The following RNF41 variants were observed in gnomAD, a reference collection of about 807,000 sequenced individuals.
RNF41 encodes E3 ubiquitin-protein ligase NRDP1.
RNF41 carries 4 observed loss-of-function variants against 33.0 expected under a neutral mutation model. The ratio of observed to expected loss-of-function variants is 0.12; its 90% CI spans 0.06 to 0.28. The LOEUF (loss-of-function observed/expected upper bound fraction) is 0.28. Ranked by LOEUF, RNF41 falls within the 10% of genes least tolerant of loss-of-function variation. RNF41 has a pLI of 1.00. For synonymous variants in RNF41, 164 were observed against 153.2 expected, an observed-to-expected ratio of 1.07 and a Z score of -0.52; for missense variants, 228 against 432.6, an observed-to-expected ratio of 0.53 and a Z score of 4.19.
At chr12:56,208,353 G>T (rs1868316642) in intron 4 of RNF41, 55 bp from the exon 5 acceptor site, 4 of 1,594,152 alleles carry the variant, frequency 2.5e-6, no homozygotes, top group Non-Finnish European at 3.4e-6. Context: ...GGACATGTAT[G>T]CAAATGGCCT....
chr12:56,209,989 G>A, intron 4 of RNF41: 1 of 362,254 alleles, frequency 2.8e-6, no homozygotes, highest in South Asian at 4.1e-5. Flanking sequence ...GGCAATTATA[G>A]CAGTCAACCT....
At position 56,207,741 on chromosome 12, in the gene RNF41, G is replaced by A. The variant is rs1565940716; in HGVS notation, c.507C>T (p.Asp169=). 1 of 1,613,514 alleles carries A rather than the reference G, an allele frequency of 6.2e-7. No homozygotes were observed. The change falls in exon 6 of 7, where the codon GAC becomes GAT. Residue 169 remains aspartate, a synonymous_variant. Transcript: ENST00000345093. ...GCATGTATGCCTTTAGCAGCTGGAT[G>A]TCTCGCTTCTGTTGTGGGGAAGAAG... ...HKHQLAEQKR[D]IQLLKAYMRA...
intron 1 of RNF41, among the ~76,000 whole-genome samples, chr12:56,218,163 AG>A (rs1223132385): frequency 3.3e-5 from 5 of 151,874 alleles, no homozygotes; most frequent in Non-Finnish European, 7.4e-5. Context: ...CATGTTGGCC[AG>A]GCTGGTCTCG....
intron 2 of RNF41, among the ~76,000 whole-genome samples, chr12:56,215,718 A>T (rs1250542611): frequency 5.6e-5 from 1 of 17,888 alleles, no homozygotes; most frequent in African/African-American, 7.8e-5. Context: ...ACTCTGTCTC[A>T]AAAAAAAAAA....
chr12:56,207,785 G>T, intron 5 of RNF41, 36 bp from the exon 6 acceptor site: 2 of 1,528,430 alleles, frequency 1.3e-6, no homozygotes, highest in Non-Finnish European at 9.1e-7. Context: ...TAATGGTTAA[G>T]GCAGACAGCA....
chr12:56,207,482 G>A (rs572034586), intron 6 of RNF41, among the ~76,000 whole-genome samples, 164 bp downstream of exon 6: 1 of 152,306 alleles, frequency 6.6e-6, no homozygotes, highest in African/African-American at 2.4e-5. Flanking sequence ...GGAGCTAAGG[G>A]TTATCCTCTT....
chr12:56,220,090 G>A (rs1304323005), intron 1 of RNF41, among the ~76,000 whole-genome samples: 1 of 151,934 alleles, frequency 6.6e-6, no homozygotes, highest in Non-Finnish European at 1.5e-5. Flanking sequence ...TTATCCTCAA[G>A]TAAGATTATT....
intron 1 of RNF41, among the ~76,000 whole-genome samples, chr12:56,218,508 C>T (rs1869079326): frequency 1.3e-5 from 2 of 151,602 alleles, no homozygotes; most frequent in African/African-American, 4.8e-5. Flanking sequence ...CTCCAGCAAT[C>T]CTCCCACCTC....
Position 56,210,383 on chromosome 12 carries a change from G to A in RNF41, c.276C>T (p.Ala92=), listed in dbSNP as rs548473685. Reference sequence around the variant, plus strand: ...ACATGAGGTTGTCAAGCCGGACAACGGCACTACAGCCGAACACAGCGTTGT... The same window carrying A: ...ACATGAGGTTGTCAAGCCGGACAACAGCACTACAGCCGAACACAGCGTTGT... The part of the protein sequence containing the change: ...ACDNAVFGCS[A]VVRLDNLMSH... The change falls in exon 4 of 7, where the codon GCC becomes GCT. Residue 92 remains alanine, a synonymous_variant. Transcript: ENST00000345093. 9 of 1,614,136 alleles carry A rather than the reference G, an allele frequency of 5.6e-6. No individual in the cohort carries two copies. The highest frequency in any genetic ancestry group is 4.5e-5 in the East Asian group (2 of 44,880).
Position 56,205,098 on chromosome 12 carries a change from A to G in RNF41, c.*1349T>C, listed in dbSNP as rs1293240612. 1 of 152,206 alleles carries G rather than the reference A, an allele frequency of 6.6e-6. No individual in the cohort carries two copies. Among genetic ancestry groups the G allele is most frequent in the Non-Finnish European group, 1.5e-5 (1 of 68,040 alleles). The allele number at this position is 152,206 out of a possible 1,614,324, so 9.4% of individuals were successfully genotyped here. Reference sequence around the variant, plus strand: ...TCTGATTTGCATGGTGAAGCTTAGAACCCAGCTATACAGCTCCAAGGAAAC... The same window carrying G: ...TCTGATTTGCATGGTGAAGCTTAGAGCCCAGCTATACAGCTCCAAGGAAAC... On this transcript the variant is annotated 3_prime_UTR_variant, in exon 7 of 7. Coordinates refer to ENST00000345093, the MANE Select transcript of RNF41 (RefSeq NM_005785.4).
In RNF41 at chr12:56,202,525, G is replaced by A. The variant is rs1372350242; in HGVS notation, c.*3922C>T. On this transcript the variant is annotated 3_prime_UTR_variant, in exon 7 of 7. Coordinates refer to ENST00000345093, the MANE Select transcript of RNF41 (RefSeq NM_005785.4). ...AATATATAAACAAGTGGGCATAACTGTATTCCAATAAAGTTTTTTACAAAA... is the reference window on the plus strand; with the variant it reads ...AATATATAAACAAGTGGGCATAACTATATTCCAATAAAGTTTTTTACAAAA... 6.6e-6 allele frequency: 1 copy of A among 152,176 alleles called. No homozygotes were observed. Among genetic ancestry groups the A allele is most frequent in the Non-Finnish European group, 1.5e-5 (1 of 68,036 alleles). The allele number at this position is 152,176 out of a possible 1,614,324, so 9.4% of individuals were successfully genotyped here.
chr12:56,213,806 G>C, intron 3 of RNF41, 152 bp downstream of exon 3: 1 of 638,112 alleles, frequency 1.6e-6, no homozygotes, highest in Admixed American at 2.6e-5. Context: ...TATTCTTGTA[G>C]TCACCATTAC....
chr12:56,214,093 A>G (rs745703025), intron 2 of RNF41, 23 bp from the exon 3 acceptor site: 2 of 1,268,616 alleles, frequency 1.6e-6, no homozygotes, highest in African/African-American at 1.5e-5. Context: ...CAGGAAAAAG[A>G]GGCCAGTTCA....
At chr12:56,214,094 G>A in intron 2 of RNF41, 24 bp from the exon 3 acceptor site, 1 of 1,267,898 alleles carries the variant, frequency 7.9e-7, no homozygotes, top group Non-Finnish European at 1.2e-6. Flanking sequence ...AGGAAAAAGA[G>A]GCCAGTTCAG....
At chr12:56,211,704 G>A (rs1459514310) in intron 3 of RNF41, among the ~76,000 whole-genome samples, 2 of 152,202 alleles carry the variant, frequency 1.3e-5, no homozygotes, top group Non-Finnish European at 1.5e-5. Context: ...CAGGCATGGT[G>A]GATGGCGCCT....
intron 1 of RNF41, among the ~76,000 whole-genome samples, chr12:56,220,014 C>A (rs1056625111): frequency 8.8e-5 from 8 of 91,022 alleles, no homozygotes; most frequent in Non-Finnish European, 2.0e-4. Flanking sequence ...GAGACCCTGT[C>A]TCAAAAATAA....
In RNF41 at chr12:56,206,285, G is replaced by A; in HGVS notation, c.*162C>T. 3.0e-6 allele frequency: 2 copies of A among 666,802 alleles called. No homozygotes were observed. The highest frequency in any genetic ancestry group is 2.6e-6 in the Non-Finnish European group (1 of 387,462). 41.3% of individuals were successfully genotyped at this position (666,802 alleles called of 1,614,324 possible). A position where few individuals can be genotyped will look rare whatever the true frequency, so the allele number is the denominator to read the frequency against. ...ATCTGGGTTTCCCACCTGAAAGGCTGAGCAAACTACCCCAAGGCCCTTCAG... is the reference window on the plus strand; with the variant it reads ...ATCTGGGTTTCCCACCTGAAAGGCTAAGCAAACTACCCCAAGGCCCTTCAG... On this transcript the variant is annotated 3_prime_UTR_variant, in exon 7 of 7. Coordinates refer to ENST00000345093, the MANE Select transcript of RNF41 (RefSeq NM_005785.4). This position sits in a 1 kb window ranked among gnomAD's most constrained non-coding sequence, Gnocchi z 5.7.
In RNF41 at chr12:56,206,422, C is replaced by T. The variant is rs763787275; in HGVS notation, c.*25G>A. 12 of 1,571,306 alleles carry T rather than the reference C, an allele frequency of 7.6e-6. No homozygotes were observed. The Admixed American group carries it at 2.1e-4, about 27-fold the overall frequency. Reference sequence around the variant, plus strand: ...TGATGGGATTTTCTGATTTCCATCTCTTCCTGATAGCCAGTCGAGTTCTCT... The same window carrying T: ...TGATGGGATTTTCTGATTTCCATCTTTTCCTGATAGCCAGTCGAGTTCTCT... On this transcript the variant is annotated 3_prime_UTR_variant, in exon 7 of 7. Transcript: ENST00000345093. This position sits in a 1 kb window ranked among gnomAD's most constrained non-coding sequence, Gnocchi z 5.7.
At chr12:56,207,059 A>G in intron 6 of RNF41, 1 of 1,313,646 alleles carries the variant, frequency 7.6e-7, no homozygotes, top group Admixed American at 3.0e-5. Context: ...CTTAGCACAT[A>G]TAGCGCCTAA....
Sources: allele counts gnomAD v4.1 joint callset (sites outside exome capture counted in the v4.1 genomes callset), GRCh38; gene constraint gnomAD v4.1.1; non-coding constraint Gnocchi (gnomAD v3.1); transcripts MANE v1.5; gene names NCBI Gene and HGNC (gene_info 2026-07-23, HGNC 2026-07-21).